The following TVP23A variants were observed in gnomAD, a reference collection of about 807,000 sequenced individuals.
TVP23A encodes trans-golgi network vesicle protein 23 homolog A.
TVP23A carries 21 observed loss-of-function variants against 31.7 expected under a neutral mutation model. That is an observed-to-expected ratio of 0.66 (90% CI 0.47 to 0.95). TVP23A has a LOEUF of 0.95. Among genes scored for constraint, TVP23A ranks in the 40% least tolerant of loss-of-function variants. The pLI, the probability that TVP23A is intolerant of heterozygous loss-of-function variation, is 0.00. For synonymous variants in TVP23A, 104 were observed against 96.0 expected, an observed-to-expected ratio of 1.08 and a Z score of -0.49; for missense variants, 279 against 255.6, an observed-to-expected ratio of 1.09 and a Z score of -0.62.
intron 2 of TVP23A, among the ~76,000 whole-genome samples, chr16:10,795,276 A>C (rs1385939840): frequency 6.7e-6 from 1 of 149,850 alleles, no homozygotes; most frequent in African/African-American, 2.5e-5. Flanking sequence ...TTAAAGACAG[A>C]GTCTCGCTCT....
Position 10,775,055 on chromosome 16 carries a change from C to T in TVP23A, c.131G>A (p.Ser44Asn), listed in dbSNP as rs902727776. The change falls in exon 3 of 8, where the codon AGT (serine) becomes AAT (asparagine). Residue 44 changes from serine to asparagine, a missense_variant. Coordinates refer to ENST00000299866, the MANE Select transcript of TVP23A (RefSeq NM_001079512.4). ...GCAGCTCACGTAGGTGACGATGGCA[C>T]TCACTCGGAAAAACAGGTGGAAAAA... is the stretch of plus-strand genomic sequence containing the variant. The part of the protein sequence containing the change: ...ATFFHLFFRV[S>N]AIVTYVSCDW... The T allele has an allele frequency of 1.9e-6, 3 of 1,611,426 alleles. No homozygotes were observed. The highest frequency in any genetic ancestry group is 2.5e-6 in the Non-Finnish European group (3 of 1,178,830).
Position 10,818,785 on chromosome 16 carries a change from T to G in TVP23A, c.-292A>C, listed in dbSNP as rs2034563353. ...CCTGGGGAACTGCGGACAGAGATAG[T>G]GGGAGGAATGGGAGTCGGGGGCGGG... On this transcript the variant is annotated 5_prime_UTR_variant, in exon 1 of 8. Coordinates refer to ENST00000299866, the MANE Select transcript of TVP23A (RefSeq NM_001079512.4). The surrounding 1 kb of genome is among the most constrained non-coding windows in gnomAD (Gnocchi z 4.7). 6.8e-6 allele frequency: 3 copies of G among 441,694 alleles called. No homozygotes were observed. Among genetic ancestry groups the G allele is most frequent in the African/African-American group, 2.2e-5 (1 of 45,994 alleles). The allele number at this position is 441,694 out of a possible 1,614,324, so 27.4% of individuals were successfully genotyped here.
intron 2 of TVP23A, among the ~76,000 whole-genome samples, chr16:10,784,629 A>G (rs1375206289): frequency 6.6e-6 from 1 of 152,156 alleles, no homozygotes; most frequent in Non-Finnish European, 1.5e-5. Flanking sequence ...CATCAAGAGT[A>G]AACCCTGATA....
chr16:10,796,297 G>A lies in TVP23A; in HGVS notation c.90-21201C>T, dbSNP rs559920668. On this transcript the variant is annotated intron_variant, in intron 2 of 7. Coordinates refer to ENST00000299866, the MANE Select transcript of TVP23A (RefSeq NM_001079512.4). ...CAAGGCTGCAGTGAGATGTGATCAT[G>A]CCACTTGCACTCCAGCCTGGGCAAC... is the stretch of plus-strand genomic sequence containing the variant. 1.4e-4 allele frequency among the ~76,000 whole-genome samples: 21 copies of A among 152,216 alleles called. 1 individual carries two copies. In the South Asian group the frequency reaches 4.1e-3, roughly 30 times the overall value.
chr16:10,792,274 G>A (rs2033148521), intron 2 of TVP23A, among the ~76,000 whole-genome samples: 1 of 152,126 alleles, frequency 6.6e-6, no homozygotes, highest in Admixed American at 6.6e-5. Flanking sequence ...ATGAACCCCA[G>A]GTATTTACCA....
At position 10,809,489 on chromosome 16, in the gene TVP23A, A is replaced by G. The variant is rs112711868; in HGVS notation, c.89+8614T>C. ...GGAAACGGAGGCTACAGCTTCTGTG[A>G]TTCAAGGTAACCCATAGTGCTTTGG... On this transcript the variant is annotated intron_variant, in intron 2 of 7. Coordinates refer to ENST00000299866, the MANE Select transcript of TVP23A (RefSeq NM_001079512.4). 4.8e-3 allele frequency among the ~76,000 whole-genome samples: 733 copies of G among 152,366 alleles called. 6 individuals carry two copies. Among genetic ancestry groups the G allele is most frequent in the African/African-American group, 0.016 (683 of 41,580 alleles).
intron 2 of TVP23A, among the ~76,000 whole-genome samples, chr16:10,784,966 G>A (rs1344360492): frequency 1.3e-5 from 2 of 151,800 alleles, no homozygotes; most frequent in Admixed American, 6.6e-5. Flanking sequence ...ATGTGGTGGC[G>A]GGCGCCTGTA....
intron 2 of TVP23A, among the ~76,000 whole-genome samples, chr16:10,785,724 T>C (rs376191780): frequency 6.6e-6 from 1 of 152,222 alleles, no homozygotes; most frequent in African/African-American, 2.4e-5. Flanking sequence ...TGGTTGGGTC[T>C]GGAAAGGCGG....
chr16:10,759,989 GGACTTGGGTACAGGGATCTGT>G (rs1442628894), downstream of TVP23A, among the ~76,000 whole-genome samples: 4 of 152,206 alleles, frequency 2.6e-5, no homozygotes, highest in African/African-American at 9.6e-5. The surrounding 1 kb of genome is among the most constrained non-coding windows in gnomAD (Gnocchi z 4.7). Context: ...AGCCACAGCA[GGACTTGGGTACAGGGATCTGT>G]GATAACATTA....
At chr16:10,796,786 G>A (rs2033414576) in intron 2 of TVP23A, among the ~76,000 whole-genome samples, 1 of 152,184 alleles carries the variant, frequency 6.6e-6, no homozygotes, top group Non-Finnish European at 1.5e-5. Flanking sequence ...GTGATGTGTG[G>A]ATGTTATTTC....
At chr16:10,778,163 G>A (rs537406618) in intron 2 of TVP23A, among the ~76,000 whole-genome samples, 23 of 151,996 alleles carry the variant, frequency 1.5e-4, no homozygotes, top group South Asian at 6.3e-4. Context: ...GTAAAACTCC[G>A]TCTCTACTAA....
chr16:10,807,682 A>G (rs1018960504), intron 2 of TVP23A, among the ~76,000 whole-genome samples: 11 of 152,164 alleles, frequency 7.2e-5, no homozygotes, highest in African/African-American at 2.4e-4. Flanking sequence ...AAGCTGCTCT[A>G]AAGAGTGGGG....
downstream of TVP23A, among the ~76,000 whole-genome samples, chr16:10,762,664 G>A (rs889118904): frequency 5.3e-5 from 8 of 152,218 alleles, no homozygotes; most frequent in African/African-American, 2.4e-5. Context: ...GGGAGGCCGG[G>A]ATCCAGGAGT....
Position 10,818,580 on chromosome 16 carries a change from G to T in TVP23A, c.-87C>A. On this transcript the variant is annotated 5_prime_UTR_variant, in exon 1 of 8. Coordinates refer to ENST00000299866, the MANE Select transcript of TVP23A (RefSeq NM_001079512.4). The surrounding 1 kb of genome is among the most constrained non-coding windows in gnomAD (Gnocchi z 4.7). ...GAAGGGGTCGGACGCCGGGCGGGCG[G>T]ATGTAGGCAGCAGACGGTGGACGCT... is the stretch of plus-strand genomic sequence containing the variant. 1 of 1,506,780 alleles carries T rather than the reference G, an allele frequency of 6.6e-7. No individual in the cohort carries two copies. The highest frequency in any genetic ancestry group is 8.9e-7 in the Non-Finnish European group (1 of 1,126,320). The allele number at this position is 1,506,780 out of a possible 1,614,324, so 93.3% of individuals were successfully genotyped here.
chr16:10,771,463 A>T (rs969035815), intron 6 of TVP23A, among the ~76,000 whole-genome samples: 6 of 152,144 alleles, frequency 3.9e-5, no homozygotes, highest in Non-Finnish European at 7.4e-5. Context: ...TGAGCCCAAG[A>T]GATGGAGGTT....
At chr16:10,760,735 TAA>T (rs373845717), downstream of TVP23A, among the ~76,000 whole-genome samples, 1 of 148,800 alleles carries the variant, frequency 6.7e-6, no homozygotes, top group African/African-American at 2.5e-5. Context: ...ATCCTGTCTC[TAA>T]AAAAAAAAGT....
chr16:10,788,527 G>A (rs1034126680), intron 2 of TVP23A, among the ~76,000 whole-genome samples: 1 of 152,112 alleles, frequency 6.6e-6, no homozygotes, highest in African/African-American at 2.4e-5. Flanking sequence ...CCACCCGTAA[G>A]GTACCCGAAG....
intron 2 of TVP23A, among the ~76,000 whole-genome samples, chr16:10,790,346 G>A (rs1173930038): frequency 6.8e-6 from 1 of 146,734 alleles, no homozygotes; most frequent in African/African-American, 2.6e-5. Context: ...GTGCAGTGGC[G>A]TGATCTCGGC....
Position 10,774,606 on chromosome 16 carries a change from C to CTCTCT in TVP23A, c.234+345_234+346insAGAGA, listed in dbSNP as rs560467871. Among the ~76,000 whole-genome samples, 713 of 130,214 alleles carry CTCTCT rather than the reference C, an allele frequency of 5.5e-3. 11 individuals carry two copies. Among genetic ancestry groups the CTCTCT allele is most frequent in the African/African-American group, 0.019 (651 of 34,848 alleles). 85.4% of individuals were successfully genotyped at this position (130,214 alleles called of 152,430 possible). On this transcript the variant is annotated intron_variant, in intron 3 of 7. Transcript: ENST00000299866. ...CTCTCACTTGGCTCTCATTCTCTCT[C>CTCTCT]TTTTTTTTTTTTTTTTTTTCCGAGA...
Sources: allele counts gnomAD v4.1 joint callset (sites outside exome capture counted in the v4.1 genomes callset), GRCh38; gene constraint gnomAD v4.1.1; non-coding constraint Gnocchi (gnomAD v3.1); transcripts MANE v1.5; gene names NCBI Gene and HGNC (gene_info 2026-07-23, HGNC 2026-07-21).